The following MGAT5 variants were observed in gnomAD, a reference collection of about 807,000 sequenced individuals.
MGAT5 encodes alpha-1,6-mannosylglycoprotein 6-beta-N-acetylglucosaminyltransferase A.
A neutral mutation model predicts 94.3 loss-of-function variants in MGAT5; 30 were observed. That is an observed-to-expected ratio of 0.32 (90% CI 0.24 to 0.43). MGAT5 has a LOEUF of 0.43. Among genes scored for constraint, MGAT5 ranks in the 20% least tolerant of loss-of-function variants. MGAT5 has a pLI of 1.00. For synonymous variants in MGAT5, 310 were observed against 322.9 expected (o/e 0.96, Z 0.43); for missense variants, 691 against 905.5 (o/e 0.76, Z 3.04).
rs10628858 is a variant in MGAT5, at chr2:134,257,836, C to CTTTTT, written c.241+3207_241+3211dup. ...TGCATAGGCCATTAGTTTGCAGTCT[C>CTTTTT]TTTTTTTTTTTTTTTTTTTGCCATA... On this transcript the variant is annotated intron_variant, in intron 1 of 15. Transcript: ENST00000281923. 5.5e-3 allele frequency among the ~76,000 whole-genome samples: 587 copies of CTTTTT among 106,394 alleles called. 24 individuals carry two copies. The highest frequency in any genetic ancestry group is 0.019 in the African/African-American group (531 of 27,346). 69.8% of individuals were successfully genotyped at this position (106,394 alleles called of 152,430 possible).
chr2:134,165,028 G>A (rs1482124403), intron 1 of MGAT5, among the ~76,000 whole-genome samples: 1 of 152,348 alleles, frequency 6.6e-6, no homozygotes, highest in East Asian at 1.9e-4. Context: ...CTCCACCAGG[G>A]CTGTGTGGTA....
At chr2:134,425,136 T>C (rs554134139) in intron 13 of MGAT5, among the ~76,000 whole-genome samples, 2 of 152,122 alleles carry the variant, frequency 1.3e-5, no homozygotes, top group Non-Finnish European at 2.9e-5. Flanking sequence ...TACATTATAA[T>C]CAAACTGCTG....
intron 1 of MGAT5, among the ~76,000 whole-genome samples, chr2:134,264,026 T>G (rs1558742894): frequency 1.6e-5 from 2 of 128,936 alleles, no homozygotes; most frequent in African/African-American, 6.2e-5. Context: ...GGTTTTTTTT[T>G]TTTTTTTTTT....
rs1686184734 is a variant in MGAT5, at chr2:134,453,017, C to T, written c.*4170C>T. The T allele has an allele frequency of 6.6e-6, 1 of 152,214 alleles. No homozygotes were observed. The highest frequency in any genetic ancestry group is 1.5e-5 in the Non-Finnish European group (1 of 68,034). The allele number at this position is 152,214 out of a possible 1,614,324, so 9.4% of individuals were successfully genotyped here. The stretch of plus-strand genomic sequence containing the variant: ...TGAATGCAGAAAAAAATTACCCTAG[C>T]TTTCTTAGCACTTAGGGTTTTGTGA... On this transcript the variant is annotated 3_prime_UTR_variant, in exon 16 of 16. Coordinates refer to ENST00000281923, the MANE Select transcript of MGAT5 (RefSeq NM_002410.5).
intron 1 of MGAT5, among the ~76,000 whole-genome samples, chr2:134,192,498 T>C (rs1558980227): frequency 1.3e-5 from 2 of 152,180 alleles, no homozygotes; most frequent in Non-Finnish European, 2.9e-5. Flanking sequence ...GTTTTGGGGA[T>C]GTAAATCAGT....
intron 1 of MGAT5, among the ~76,000 whole-genome samples, chr2:134,152,306 G>A (rs1384432922): frequency 1.0e-5 from 1 of 97,968 alleles, no homozygotes; most frequent in African/African-American, 3.6e-5. Context: ...CATGGGACCC[G>A]CTTATCACTC....
chr2:134,218,704 C>G (rs1479695058), intron 1 of MGAT5, among the ~76,000 whole-genome samples: 2 of 152,052 alleles, frequency 1.3e-5, no homozygotes, highest in Non-Finnish European at 2.9e-5. Flanking sequence ...TTTTATCAGC[C>G]AAAGCAAGGT....
chr2:134,422,777 G>A, intron 12 of MGAT5, 26 bp from the exon 13 acceptor site: 2 of 1,579,864 alleles, frequency 1.3e-6, no homozygotes, highest in East Asian at 2.2e-5. Context: ...TTGCTTGTGA[G>A]ACTGAGGTGT....
chr2:134,176,834 G>C (rs1174502927), intron 1 of MGAT5, among the ~76,000 whole-genome samples: 3 of 152,140 alleles, frequency 2.0e-5, no homozygotes, highest in Non-Finnish European at 4.4e-5. Flanking sequence ...ACCTTTGAGA[G>C]GTGGGTCTCA....
intron 1 of MGAT5, among the ~76,000 whole-genome samples, chr2:134,199,991 A>G (rs917449198): frequency 2.0e-5 from 3 of 152,226 alleles, no homozygotes; most frequent in Non-Finnish European, 4.4e-5. Flanking sequence ...ATCATTGATT[A>G]GAGGTACAAT....
intron 10 of MGAT5, among the ~76,000 whole-genome samples, chr2:134,381,568 C>A (rs1681636465): frequency 1.2e-5 from 1 of 81,842 alleles, no homozygotes; most frequent in African/African-American, 3.0e-5. Context: ...GCACTACAGC[C>A]TGGGCAACAT....
chr2:134,340,947 G>A (rs989259972), intron 6 of MGAT5, among the ~76,000 whole-genome samples: 3 of 152,112 alleles, frequency 2.0e-5, no homozygotes, highest in African/African-American at 7.2e-5. Flanking sequence ...AATATTAACT[G>A]GATATCAGAT....
intron 1 of MGAT5, among the ~76,000 whole-genome samples, chr2:134,146,152 G>A (rs1686908567): frequency 2.0e-5 from 3 of 152,106 alleles, no homozygotes. Context: ...CCCATTAAAT[G>A]CCTTAATTTC....
rs1388343906 is a variant in MGAT5, at chr2:134,450,693, A to G, written c.*1846A>G. The stretch of plus-strand genomic sequence containing the variant: ...TGGGGAGGCCTCTGCCCTGAGCATC[A>G]TCACAGGGGCGCCTCCAGACCTGGC... On this transcript the variant is annotated 3_prime_UTR_variant, in exon 16 of 16. Coordinates refer to ENST00000281923, the MANE Select transcript of MGAT5 (RefSeq NM_002410.5). 2.0e-5 allele frequency: 3 copies of G among 151,994 alleles called. No individual in the cohort carries two copies. Among genetic ancestry groups the G allele is most frequent in the Non-Finnish European group, 4.4e-5 (3 of 68,104 alleles). 9.4% of individuals were successfully genotyped at this position (151,994 alleles called of 1,614,324 possible).
chr2:134,200,389 TCTGCAGTGATGCTGC>T (rs1315705742), intron 1 of MGAT5, among the ~76,000 whole-genome samples: 4 of 152,256 alleles, frequency 2.6e-5, no homozygotes, highest in African/African-American at 9.6e-5. Flanking sequence ...TTCTCTCATG[TCTGCAGTGATGCTGC>T]CTTCACAGGA....
At chr2:134,156,769 G>C (rs181367396) in intron 1 of MGAT5, among the ~76,000 whole-genome samples, 1 of 152,106 alleles carries the variant, frequency 6.6e-6, no homozygotes, top group Middle Eastern at 3.2e-3. Flanking sequence ...CAGCCTTCAC[G>C]ACATTCCTCA....
intron 1 of MGAT5, among the ~76,000 whole-genome samples, chr2:134,166,929 A>G (rs945952808): frequency 6.6e-6 from 1 of 152,228 alleles, no homozygotes; most frequent in Non-Finnish European, 1.5e-5. Flanking sequence ...TCTCTTGTCA[A>G]TTGAAAAAGG....
At chr2:134,125,125 C>T (rs1392564007) in intron 1 of MGAT5, among the ~76,000 whole-genome samples, 1 of 151,894 alleles carries the variant, frequency 6.6e-6, no homozygotes, top group Non-Finnish European at 1.5e-5. Context: ...AAAGGGTAGA[C>T]AAGAAAATAG....
At chr2:134,311,731 A>G (rs1686676345) in intron 2 of MGAT5, among the ~76,000 whole-genome samples, 1 of 151,852 alleles carries the variant, frequency 6.6e-6, no homozygotes, top group South Asian at 2.1e-4. Flanking sequence ...TTTGTTCAGC[A>G]GTGAGGAGTG....
Sources: allele counts gnomAD v4.1 joint callset (sites outside exome capture counted in the v4.1 genomes callset), GRCh38; gene constraint gnomAD v4.1.1; transcripts MANE v1.5; gene names NCBI Gene and HGNC (gene_info 2026-07-23, HGNC 2026-07-21).